The following RC3H1 variants were observed in gnomAD, a reference collection of about 807,000 sequenced individuals.
The protein encoded by RC3H1 is roquin-1.
A neutral mutation model predicts 138.2 loss-of-function variants in RC3H1; 50 were observed. The ratio of observed to expected loss-of-function variants is 0.36; its 90% CI spans 0.29 to 0.46. RC3H1 has a LOEUF of 0.46. RC3H1 is among the 20% of genes least tolerant of loss of function. The pLI is 1.00. For missense variants in RC3H1, 1,031 were observed against 1,388.1 expected (o/e 0.74, Z 4.09); for synonymous variants, 462 against 489.1 (o/e 0.94, Z 0.73).
intron 2 of RC3H1, among the ~76,000 whole-genome samples, chr1:173,991,465 T>C (rs768886170): frequency 2.0e-5 from 3 of 152,244 alleles, no homozygotes; most frequent in Non-Finnish European, 4.4e-5. Context: ...CGGTTTCATT[T>C]ACTTGCCTAA....
At chr1:173,977,122 C>G (rs1478733333) in intron 7 of RC3H1, among the ~76,000 whole-genome samples, 1 of 152,016 alleles carries the variant, frequency 6.6e-6, no homozygotes, top group Non-Finnish European at 1.5e-5. Flanking sequence ...GACGGGGTTT[C>G]ATCGTGCTGG....
At chr1:173,996,729 C>T (rs993138107) in intron 1 of RC3H1, among the ~76,000 whole-genome samples, 4 of 152,174 alleles carry the variant, frequency 2.6e-5, no homozygotes, top group African/African-American at 9.7e-5. Flanking sequence ...CCTCTACATG[C>T]AGTGACATAC....
chr1:173,986,244 T>A (rs1661026923), intron 2 of RC3H1, among the ~76,000 whole-genome samples: 1 of 152,218 alleles, frequency 6.6e-6, no homozygotes, highest in African/African-American at 2.4e-5. Flanking sequence ...TTAAAATTAA[T>A]GAGCCAATAT....
In RC3H1 at chr1:173,933,034, C is replaced by A. The variant is rs996620173; in HGVS notation, c.*5687G>T. 1 of 151,736 alleles carries A rather than the reference C, an allele frequency of 6.6e-6. No individual in the cohort carries two copies. The highest frequency in any genetic ancestry group is 1.5e-5 in the Non-Finnish European group (1 of 67,888). 9.4% of individuals were successfully genotyped at this position (151,736 alleles called of 1,614,324 possible). Reference sequence around the variant, plus strand: ...AATCTGAAACAGTAAGACCTCAATACAAGAAAACAAGTCACCTTATCTAGT... The same window carrying A: ...AATCTGAAACAGTAAGACCTCAATAAAAGAAAACAAGTCACCTTATCTAGT... On this transcript the variant is annotated 3_prime_UTR_variant, in exon 20 of 20. Coordinates refer to ENST00000367696, the MANE Select transcript of RC3H1 (RefSeq NM_172071.4).
chr1:173,935,019 G>C lies in RC3H1; in HGVS notation c.*3702C>G, dbSNP rs1032949114. The C allele has an allele frequency of 6.7e-6, 1 of 148,880 alleles. No individual in the cohort carries two copies. Among genetic ancestry groups the C allele is most frequent in the African/African-American group, 2.6e-5 (1 of 38,234 alleles). The allele number at this position is 148,880 out of a possible 1,614,324, so 9.2% of individuals were successfully genotyped here. A position where few individuals can be genotyped will look rare whatever the true frequency, so the allele number is the denominator to read the frequency against. On this transcript the variant is annotated 3_prime_UTR_variant, in exon 20 of 20. Transcript: ENST00000367696. ...GAAAGGAATCACCAACATTAATGCT[G>C]TACCAAACAATTTTTTAAATACATT...
At chr1:173,952,288 G>T in intron 13 of RC3H1, 150 bp from the exon 14 acceptor site, 1 of 379,986 alleles carries the variant, frequency 2.6e-6, no homozygotes, top group Non-Finnish European at 4.3e-6. Context: ...TGATTTTTAA[G>T]TGCCACAATA....
intron 1 of RC3H1, among the ~76,000 whole-genome samples, chr1:174,020,563 C>A (rs534220127): frequency 6.6e-6 from 1 of 152,252 alleles, no homozygotes; most frequent in South Asian, 2.1e-4. Context: ...ACCCTTAGGC[C>A]TTGCAGTTGA....
intron 2 of RC3H1, among the ~76,000 whole-genome samples, chr1:173,988,208 A>G (rs1661109321): frequency 6.6e-6 from 1 of 152,168 alleles, no homozygotes; most frequent in Non-Finnish European, 1.5e-5. Context: ...CTGCCCTAAG[A>G]AATACTGTTT....
chr1:173,979,907 A>T (rs895944593), intron 6 of RC3H1, among the ~76,000 whole-genome samples: 2 of 152,030 alleles, frequency 1.3e-5, no homozygotes, highest in Admixed American at 6.6e-5. Context: ...TATCCCCCCT[A>T]AAGAGACAGG....
chr1:173,939,949 C>T (rs1363915808), intron 19 of RC3H1, among the ~76,000 whole-genome samples: 1 of 152,062 alleles, frequency 6.6e-6, no homozygotes, highest in African/African-American at 2.4e-5. Flanking sequence ...CAACTTAGGA[C>T]TATGCATTCA....
chr1:174,001,125 G>A (rs937999612), intron 1 of RC3H1, among the ~76,000 whole-genome samples: 2 of 152,172 alleles, frequency 1.3e-5, no homozygotes, highest in African/African-American at 4.8e-5. Context: ...AAAGGTGGAG[G>A]AAAGTTCAAG....
chr1:173,993,202 C>T (rs1453865462), intron 1 of RC3H1, 67 bp from the exon 2 acceptor site: 1 of 542,142 alleles, frequency 1.8e-6, no homozygotes, highest in Admixed American at 3.2e-5. Flanking sequence ...GAAAAAGAAC[C>T]ACAAGTCCAG....
chr1:173,975,897 CAAAAAAAAAAAAAAAA>C (rs71299434), intron 7 of RC3H1, among the ~76,000 whole-genome samples: 6 of 3,604 alleles, frequency 1.7e-3, no homozygotes, highest in Admixed American at 4.1e-3. Context: ...GACTCCGTCT[CAAAAAAAAAAAAAAAA>C]AAAAAAAAAA....
chr1:173,982,696 T>C, intron 5 of RC3H1, 31 bp downstream of exon 5: 2 of 1,528,232 alleles, frequency 1.3e-6, no homozygotes, highest in East Asian at 2.4e-5. Flanking sequence ...CAATATTTCC[T>C]TTCAAGCTGA....
intron 5 of RC3H1, among the ~76,000 whole-genome samples, chr1:173,982,478 T>C (rs967145567): frequency 6.6e-6 from 1 of 152,204 alleles, no homozygotes; most frequent in African/African-American, 2.4e-5. Context: ...AGTTTCTTAG[T>C]CTCTTCAAAT....
intron 9 of RC3H1, 100 bp downstream of exon 9, chr1:173,970,405 A>G: frequency 1.3e-6 from 1 of 790,042 alleles, no homozygotes; most frequent in East Asian, 2.5e-5. Context: ...AAAATGTCCT[A>G]TTCATTTAAG....
chr1:174,003,459 C>T (rs1022559528), intron 1 of RC3H1, among the ~76,000 whole-genome samples: 1 of 151,740 alleles, frequency 6.6e-6, no homozygotes, highest in African/African-American at 2.4e-5. Flanking sequence ...TTTTCTCACA[C>T]CCCTACCCAT....
In RC3H1 at chr1:173,992,623, AC is replaced by A. The variant is rs1030813782; in HGVS notation, c.231+131del. On this transcript the variant is annotated intron_variant, in intron 2 of 19. Transcript: ENST00000367696. The stretch of plus-strand genomic sequence containing the variant: ...ACCTATTTAAATAGAAGGCAATGTT[AC>A]CCAATTTTAATTCAACAGGTTTCTC... 1.8e-5 allele frequency: 12 copies of A among 652,016 alleles called. No individual in the cohort carries two copies. The African/African-American group carries it at 2.0e-4, about 11-fold the overall frequency. 40.4% of individuals were successfully genotyped at this position (652,016 alleles called of 1,614,324 possible). A position where few individuals can be genotyped will look rare whatever the true frequency, so the allele number is the denominator to read the frequency against.
rs187970068 is a variant in RC3H1, at chr1:174,005,159, T to C, written c.-150-12024A>G. Among the ~76,000 whole-genome samples the C allele has an allele frequency of 6.8e-4, 104 of 152,278 alleles. 2 individuals carry two copies. In the East Asian group the frequency reaches 0.014, roughly 20 times the overall value. On this transcript the variant is annotated intron_variant, in intron 1 of 19. Coordinates refer to ENST00000367696, the MANE Select transcript of RC3H1 (RefSeq NM_172071.4). Reference sequence around the variant, plus strand: ...TCAGAGCCTAGGTCTCAAGAGACTTTGCAGGAAGCTTGAACTAGCTTGTCT... The same window carrying C: ...TCAGAGCCTAGGTCTCAAGAGACTTCGCAGGAAGCTTGAACTAGCTTGTCT...
Sources: gnomAD v4.1 joint callset for allele counts (sites outside exome capture counted in the v4.1 genomes callset) on GRCh38, gnomAD v4.1.1 for gene constraint, MANE v1.5 for transcripts, NCBI Gene and HGNC (gene_info 2026-07-23, HGNC 2026-07-21) for gene names.